The following PCDHGA10 variants were observed in gnomAD, a reference collection of about 807,000 sequenced individuals.
The protein encoded by PCDHGA10 is protocadherin gamma subfamily A, 10, also known as protocadherin gamma-A10.
In PCDHGA10, 42 loss-of-function variants were observed where a neutral mutation model predicts 59.5. That is an observed-to-expected ratio of 0.71 (90% CI 0.55 to 0.91). The LOEUF is 0.91. Among genes scored for constraint, PCDHGA10 ranks in the 40% least tolerant of loss-of-function variants. PCDHGA10 has a pLI of 0.00. For missense variants in PCDHGA10, 1,111 were observed against 1,198.2 expected, an observed-to-expected ratio of 0.93 and a Z score of 1.07; for synonymous variants, 511 against 517.2, an observed-to-expected ratio of 0.99 and a Z score of 0.16.
At position 141,487,425 on chromosome 5, in the gene PCDHGA10, G is replaced by A. The variant is rs116499036; in HGVS notation, c.2437-7382G>A. ...CTTCCCCCTTCCAATGGGATCCTCCGAATCCAGCTAGGGTCAGATGACCCT... is the reference window on the plus strand; with the variant it reads ...CTTCCCCCTTCCAATGGGATCCTCCAAATCCAGCTAGGGTCAGATGACCCT... On this transcript the variant is annotated intron_variant, in intron 1 of 3. Coordinates refer to ENST00000398610, the MANE Select transcript of PCDHGA10 (RefSeq NM_018913.3). This position sits in a 1 kb window ranked among gnomAD's most constrained non-coding sequence, Gnocchi z 5.0. The A allele has an allele frequency of 1.1e-5, 17 of 1,613,988 alleles. No individual in the cohort carries two copies. The highest frequency in any genetic ancestry group is 1.6e-4 in the Middle Eastern group (1 of 6,084).
chr5:141,510,069 CCAGCAGAGTGCCTGG>C (rs994886462), intron 3 of PCDHGA10, among the ~76,000 whole-genome samples: 12 of 152,260 alleles, frequency 7.9e-5, no homozygotes, highest in Admixed American at 7.8e-4. Context: ...TGTGAAGCAT[CCAGCAGAGTGCCTGG>C]CACACAGTAG....
rs2095757034 is a variant in PCDHGA10 at position 141,414,536 on chromosome 5, C to T, written c.1361C>T (p.Pro454Leu). ...GTGGCAGATATCAATGACAACCCAC[C>T]TACCTTCTCTCAAGTCTCCTACTTT... Reference protein sequence around the residue: ...LQVADINDNPPTFSQVSYFTY... With the variant: ...LQVADINDNPLTFSQVSYFTY... The change falls in exon 1 of 4, where the codon CCT becomes CTT. Residue 454 changes from proline to leucine, a missense_variant. Coordinates refer to ENST00000398610, the MANE Select transcript of PCDHGA10 (RefSeq NM_018913.3). The T allele has an allele frequency of 6.2e-7, 1 of 1,613,976 alleles. No individual in the cohort carries two copies. The highest frequency in any genetic ancestry group is 1.3e-5 in the African/African-American group (1 of 75,048).
chr5:141,489,229 G>C lies in PCDHGA10; in HGVS notation c.2437-5578G>C. The C allele has an allele frequency of 6.6e-7, 1 of 1,522,252 alleles. No homozygotes were observed. Among genetic ancestry groups the C allele is most frequent in the Non-Finnish European group, 8.8e-7 (1 of 1,133,810 alleles). The allele number at this position is 1,522,252 out of a possible 1,614,324, so 94.3% of individuals were successfully genotyped here. On this transcript the variant is annotated intron_variant, in intron 1 of 3. Coordinates refer to ENST00000398610, the MANE Select transcript of PCDHGA10 (RefSeq NM_018913.3). This position sits in a 1 kb window ranked among gnomAD's most constrained non-coding sequence, Gnocchi z 4.5. ...AGCACAGACTTACTCTCCACAAAGG[G>C]ACTTCTGGGTCATGGGGCCCAAGAC...
intron 1 of PCDHGA10, among the ~76,000 whole-genome samples, chr5:141,430,388 A>G (rs2097280501): frequency 6.6e-6 from 1 of 152,106 alleles, no homozygotes; most frequent in Non-Finnish European, 1.5e-5. Flanking sequence ...ATTGGGAAAA[A>G]AAAAAAAAGC....
rs1289513674 is a variant in PCDHGA10 at position 141,432,063 on chromosome 5, A to T, written c.2436+16452A>T. On this transcript the variant is annotated intron_variant, in intron 1 of 3. Coordinates refer to ENST00000398610, the MANE Select transcript of PCDHGA10 (RefSeq NM_018913.3). The surrounding 1 kb of genome is among the most constrained non-coding windows in gnomAD (Gnocchi z 6.0). ...CGGGGAACCCCGCCCCTATCCACGG[A>T]AACTCATATCTCGCTGAACGTGGCA... The T allele has an allele frequency of 8.7e-6, 14 of 1,614,134 alleles. No individual in the cohort carries two copies. The highest frequency in any genetic ancestry group is 1.2e-5 in the Non-Finnish European group (14 of 1,180,028).
chr5:141,418,996 TG>T (rs745777250), intron 1 of PCDHGA10: 13 of 1,613,756 alleles, frequency 8.1e-6, no homozygotes, highest in Non-Finnish European at 1.1e-5. Flanking sequence ...CAGGGGAAAA[TG>T]GGGAAGTCAG....
intron 1 of PCDHGA10, chr5:141,418,002 G>A: frequency 1.9e-6 from 3 of 1,613,916 alleles, no homozygotes; most frequent in Non-Finnish European, 2.5e-6. Flanking sequence ...TCGGTGGTGG[G>A]GAACCTCGCT....
chr5:141,491,955 A>T lies in PCDHGA10; in HGVS notation c.2437-2852A>T. Reference sequence around the variant, plus strand: ...GGGACCGACCCCCACCCCTACACTCAAAAAAGGCCGGGGCCTCCTTCGAGC... The same window carrying T: ...GGGACCGACCCCCACCCCTACACTCTAAAAAGGCCGGGGCCTCCTTCGAGC... On this transcript the variant is annotated intron_variant, in intron 1 of 3. Coordinates refer to ENST00000398610, the MANE Select transcript of PCDHGA10 (RefSeq NM_018913.3). This position sits in a 1 kb window ranked among gnomAD's most constrained non-coding sequence, Gnocchi z 6.9. 9.7e-7 allele frequency: 1 copy of T among 1,029,648 alleles called. No homozygotes were observed. The highest frequency in any genetic ancestry group is 2.2e-5 in the South Asian group (1 of 44,530). The allele number at this position is 1,029,648 out of a possible 1,614,324, so 63.8% of individuals were successfully genotyped here. A position where few individuals can be genotyped will look rare whatever the true frequency, so the allele number is the denominator to read the frequency against.
intron 1 of PCDHGA10, among the ~76,000 whole-genome samples, chr5:141,483,160 T>C (rs1199191595): frequency 6.6e-6 from 1 of 152,176 alleles, no homozygotes; most frequent in Non-Finnish European, 1.5e-5. Flanking sequence ...AGTTAGATCC[T>C]GAGTTACCTT....
intron 1 of PCDHGA10, among the ~76,000 whole-genome samples, chr5:141,468,797 C>T (rs191599825): frequency 0.01 from 1,525 of 151,876 alleles, 28 homozygotes; most frequent in African/African-American, 0.035. Flanking sequence ...ACCCGGGAGG[C>T]GGAACTTGCA....
chr5:141,441,835 G>A (rs1423189098), intron 1 of PCDHGA10: 9 of 353,636 alleles, frequency 2.5e-5, no homozygotes, highest in Admixed American at 2.1e-4. Flanking sequence ...CAATGGCTTC[G>A]CGCTCTTGGA....
At position 141,413,663 on chromosome 5, in the gene PCDHGA10, AT is replaced by A. The variant is rs1344545568; in HGVS notation, c.489del (p.Pro164ArgfsTer5). On this transcript the variant is annotated frameshift_variant, in exon 1 of 4. Coordinates refer to ENST00000398610, the MANE Select transcript of PCDHGA10 (RefSeq NM_018913.3). LOFTEE classifies it high-confidence loss of function. ...GMRFPLPEAI[D>X]PDVGVNSLQS... ...CGTTTTCCTCTCCCGGAAGCTATTG[AT>A]CCGGATGTGGGCGTGAACTCCCTGC... is the stretch of plus-strand genomic sequence containing the variant. 6.2e-7 allele frequency: 1 copy of A among 1,613,844 alleles called. No homozygotes were observed. Among genetic ancestry groups the A allele is most frequent in the African/African-American group, 1.3e-5 (1 of 75,052 alleles).
At chr5:141,502,363 T>C (rs1216939790) in intron 2 of PCDHGA10, among the ~76,000 whole-genome samples, 2 of 152,100 alleles carry the variant, frequency 1.3e-5, no homozygotes, top group African/African-American at 4.8e-5. Context: ...ATGGATATTT[T>C]TAAAGAGTCC....
Position 141,493,477 on chromosome 5 carries a change from G to A in PCDHGA10, c.2437-1330G>A, listed in dbSNP as rs1657824440. On this transcript the variant is annotated intron_variant, in intron 1 of 3. Transcript: ENST00000398610. This position sits in a 1 kb window ranked among gnomAD's most constrained non-coding sequence, Gnocchi z 4.3. ...TTCCCTTTTAGGACCTTACATGTGG[G>A]GAAAGTCTTCTGTGGCTCCTCATTT... is the stretch of plus-strand genomic sequence containing the variant. Among the ~76,000 whole-genome samples, 3 of 152,124 alleles carry A rather than the reference G, an allele frequency of 2.0e-5. No individual in the cohort carries two copies. The highest frequency in any genetic ancestry group is 6.5e-5 in the Admixed American group (1 of 15,272).
At chr5:141,472,994 A>AAAG (rs2099310386) in intron 1 of PCDHGA10, among the ~76,000 whole-genome samples, 1 of 151,692 alleles carries the variant, frequency 6.6e-6, no homozygotes, top group Non-Finnish European at 1.5e-5. Flanking sequence ...AAAAAAAAAA[A>AAAG]AAAGAAAGAA....
chr5:141,432,586 C>T lies in PCDHGA10; in HGVS notation c.2436+16975C>T. The T allele has an allele frequency of 1.9e-6, 3 of 1,613,852 alleles. No homozygotes were observed. Among genetic ancestry groups the T allele is most frequent in the Non-Finnish European group, 2.5e-6 (3 of 1,179,972 alleles). On this transcript the variant is annotated intron_variant, in intron 1 of 3. Transcript: ENST00000398610. The surrounding 1 kb of genome is among the most constrained non-coding windows in gnomAD (Gnocchi z 6.0). ...ACGCCTGGCTGTCCTACCGTCTGCT[C>T]AAGGCCAGCGAGCCGGGACTCTTCT...
At chr5:141,501,510 T>G (rs11744379) in intron 2 of PCDHGA10, among the ~76,000 whole-genome samples, 29,206 of 151,772 alleles carry the variant, frequency 0.19, 2,837 homozygotes, top group Middle Eastern at 0.24. Context: ...CTCCAAGGCC[T>G]CCAAGCTGAA....
intron 1 of PCDHGA10, among the ~76,000 whole-genome samples, chr5:141,460,995 A>G (rs566978077): frequency 1.1e-4 from 17 of 150,188 alleles, no homozygotes; most frequent in South Asian, 2.1e-4. Flanking sequence ...ATATATATAT[A>G]TGTGTATATA....
chr5:141,423,230 G>C (rs1223173152), intron 1 of PCDHGA10: 1 of 1,613,872 alleles, frequency 6.2e-7, no homozygotes, highest in Admixed American at 1.7e-5. Context: ...GTGGCCGACA[G>C]CATCCCCGAA....
Sources: allele counts gnomAD v4.1 joint callset (sites outside exome capture counted in the v4.1 genomes callset), GRCh38; gene constraint gnomAD v4.1.1; non-coding constraint Gnocchi (gnomAD v3.1); transcripts MANE v1.5; gene names NCBI Gene and HGNC (gene_info 2026-07-23, HGNC 2026-07-21).